TXNDC11: variants seen among roughly 807,000 people sequenced by gnomAD.
The protein encoded by TXNDC11 is thioredoxin domain-containing protein 11.
A neutral mutation model predicts 78.0 loss-of-function variants in TXNDC11; 68 were observed. The ratio of observed to expected loss-of-function variants is 0.87; its 90% CI spans 0.72 to 1.07. The LOEUF (loss-of-function observed/expected upper bound fraction) is 1.07, where lower values mean the gene tolerates loss of function less well. Among genes scored for constraint, TXNDC11 ranks in the 50% least tolerant of loss-of-function variants. TXNDC11 has a pLI of 0.00. For synonymous variants in TXNDC11, 571 were observed against 495.2 expected (o/e 1.15, Z -2.03); for missense variants, 1,389 against 1,221.8 (o/e 1.14, Z -2.04).
chr16:11,726,150 T>A (rs894511597), intron 4 of TXNDC11, among the ~76,000 whole-genome samples: 1 of 151,988 alleles, frequency 6.6e-6, no homozygotes, highest in South Asian at 2.1e-4. Context: ...AGTGCTGGGG[T>A]TGCAGGCATG....
intron 4 of TXNDC11, among the ~76,000 whole-genome samples, chr16:11,728,996 C>T (rs2051965776): frequency 6.6e-6 from 1 of 151,180 alleles, no homozygotes; most frequent in Admixed American, 6.6e-5. Context: ...GTGAGACCAT[C>T]TCTAAATCAA....
chr16:11,701,907 G>T (rs1339942331), intron 5 of TXNDC11, among the ~76,000 whole-genome samples: 1 of 151,920 alleles, frequency 6.6e-6, no homozygotes, highest in Non-Finnish European at 1.5e-5. Context: ...CCACATGTTT[G>T]TTAGGAGTCA....
chr16:11,685,943 C>A (rs1054246686), intron 10 of TXNDC11, among the ~76,000 whole-genome samples: 2 of 152,078 alleles, frequency 1.3e-5, no homozygotes, highest in African/African-American at 4.8e-5. Context: ...ATGCAGGCTG[C>A]AGGCTTGGTC....
chr16:11,738,375 G>C (rs932292988), intron 1 of TXNDC11, among the ~76,000 whole-genome samples: 2 of 152,030 alleles, frequency 1.3e-5, no homozygotes, highest in African/African-American at 4.8e-5. Flanking sequence ...ATTCTTTACT[G>C]AGCAGCTGTG....
At chr16:11,736,283 A>C (rs1002757147) in intron 1 of TXNDC11, 50 bp from the exon 2 acceptor site, 2 of 1,406,924 alleles carry the variant, frequency 1.4e-6, no homozygotes, top group African/African-American at 2.9e-5. Context: ...CTTCTTCTAA[A>C]AATAGCTCTG....
At chr16:11,684,794 C>G (rs576695659) in intron 10 of TXNDC11, among the ~76,000 whole-genome samples, 3 of 152,352 alleles carry the variant, frequency 2.0e-5, no homozygotes, top group Admixed American at 2.0e-4. Context: ...GCTCTAGAGG[C>G]CTGCCCCGGG....
At chr16:11,688,191 A>G in intron 9 of TXNDC11, 112 bp downstream of exon 9, 1 of 1,196,620 alleles carries the variant, frequency 8.4e-7, no homozygotes, top group Non-Finnish European at 1.2e-6. Context: ...TTGGGCCATC[A>G]CGTGGTTACT....
chr16:11,707,637 C>A (rs956110349), intron 5 of TXNDC11, among the ~76,000 whole-genome samples: 8 of 151,718 alleles, frequency 5.3e-5, no homozygotes, highest in African/African-American at 1.9e-4. Flanking sequence ...TTAGTACAGA[C>A]AGAGTTTCAC....
At chr16:11,716,284 T>C (rs1234073137) in intron 5 of TXNDC11, among the ~76,000 whole-genome samples, 1 of 152,216 alleles carries the variant, frequency 6.6e-6, no homozygotes, top group East Asian at 1.9e-4. Context: ...CACTGAATTA[T>C]AGCAGAGTAT....
chr16:11,685,102 G>A (rs1437174659), intron 10 of TXNDC11, among the ~76,000 whole-genome samples: 4 of 152,334 alleles, frequency 2.6e-5, no homozygotes, highest in Admixed American at 6.5e-5. Context: ...AGGGGCTCAC[G>A]CCTGTAAATC....
chr16:11,718,611 G>T (rs2051614161), intron 5 of TXNDC11, among the ~76,000 whole-genome samples: 2 of 152,134 alleles, frequency 1.3e-5, no homozygotes, highest in East Asian at 1.9e-4. Flanking sequence ...GATGCCCAAG[G>T]CAAGATTTAC....
chr16:11,742,235 C>T (rs2052419774), intron 1 of TXNDC11: 3 of 433,956 alleles, frequency 6.9e-6, no homozygotes, highest in African/African-American at 2.1e-5. Context: ...CCTCCCTCGG[C>T]ACTAAAGCGG....
intron 4 of TXNDC11, among the ~76,000 whole-genome samples, chr16:11,728,541 G>A (rs1425296582): frequency 6.6e-6 from 1 of 152,092 alleles, no homozygotes; most frequent in Non-Finnish European, 1.5e-5. Context: ...CACTCTAAGT[G>A]GGCTGCCAAA....
At chr16:11,695,283 G>A (rs1461205571) in intron 7 of TXNDC11, among the ~76,000 whole-genome samples, 3 of 151,890 alleles carry the variant, frequency 2.0e-5, no homozygotes, top group African/African-American at 4.8e-5. Flanking sequence ...GGCTTGGTGC[G>A]GCCACCATAT....
At chr16:11,719,495 T>C (rs1466224141) in intron 5 of TXNDC11, among the ~76,000 whole-genome samples, 5 of 152,240 alleles carry the variant, frequency 3.3e-5, no homozygotes, top group Admixed American at 6.5e-5. Context: ...TCTCTGTCCA[T>C]AAAACCTTCA....
At chr16:11,700,786 G>A (rs966810073) in intron 5 of TXNDC11, among the ~76,000 whole-genome samples, 3 of 152,164 alleles carry the variant, frequency 2.0e-5, no homozygotes, top group Non-Finnish European at 4.4e-5. Flanking sequence ...TCTGACTAAC[G>A]TCTCTGACAA....
rs1277633621 is a variant in TXNDC11, at chr16:11,725,226, TAC to T, written c.700-3558_700-3557del. Among the ~76,000 whole-genome samples the T allele has an allele frequency of 3.9e-5, 6 of 152,190 alleles. No individual in the cohort carries two copies. The East Asian group carries it at 1.2e-3, about 29-fold the overall frequency. ...CCCTGCCTGAATATTGTGACTATCA[TAC>T]ACAAAATAATCCCAGTTCTGCAGAA... On this transcript the variant is annotated intron_variant, in intron 4 of 11. Transcript: ENST00000283033.
chr16:11,705,049 C>G (rs1395118246), intron 5 of TXNDC11, among the ~76,000 whole-genome samples: 2 of 152,086 alleles, frequency 1.3e-5, no homozygotes, highest in African/African-American at 4.8e-5. Context: ...CATGCACCCC[C>G]ATGTCCAGCT....
At chr16:11,697,350 T>C (rs2050886236) in intron 7 of TXNDC11, among the ~76,000 whole-genome samples, 1 of 152,170 alleles carries the variant, frequency 6.6e-6, no homozygotes, top group Non-Finnish European at 1.5e-5. Context: ...CTGTCTGAAA[T>C]TGGTTTTGGC....
Sources: allele counts gnomAD v4.1 joint callset (sites outside exome capture counted in the v4.1 genomes callset), GRCh38; gene constraint gnomAD v4.1.1; transcripts MANE v1.5; gene names NCBI Gene and HGNC (gene_info 2026-07-23, HGNC 2026-07-21).